LINGO2: variants seen among roughly 807,000 people sequenced by gnomAD.
LINGO2 encodes the protein leucine-rich repeat and immunoglobulin-like domain-containing nogo receptor-interacting protein 2.
A neutral mutation model predicts 30.6 loss-of-function variants in LINGO2; 14 were observed. The ratio of observed to expected loss-of-function variants is 0.46; its 90% CI spans 0.30 to 0.72. The LOEUF (loss-of-function observed/expected upper bound fraction) is 0.72, where lower values mean the gene tolerates loss of function less well. LINGO2 is among the 30% of genes least tolerant of loss of function. LINGO2 has a pLI of 0.07. For synonymous variants in LINGO2, 317 were observed against 288.5 expected (o/e 1.10, Z -1.00); for missense variants, 729 against 751.7 (o/e 0.97, Z 0.35).
At chr9:29,104,442 G>A in the LINGO2 span, among the ~76,000 whole-genome samples, 1 of 152,098 alleles carries the variant, frequency 6.6e-6, no homozygotes, top group Non-Finnish European at 1.5e-5. Context: ...ACAACTGTAA[G>A]TTTCCTGAGG....
chr9:28,676,958 A>G, the LINGO2 span, among the ~76,000 whole-genome samples: 1 of 152,152 alleles, frequency 6.6e-6, no homozygotes, highest in African/African-American at 2.4e-5. Flanking sequence ...TAAATTACAC[A>G]CAAACAAACA....
intron 4 of LINGO2, among the ~76,000 whole-genome samples, chr9:28,071,634 G>A (rs1825480401): frequency 6.6e-6 from 1 of 150,986 alleles, no homozygotes; most frequent in Non-Finnish European, 1.5e-5. Context: ...ACACTAGAAG[G>A]TGGGTATTGA....
intron 5 of LINGO2, among the ~76,000 whole-genome samples, chr9:27,951,753 G>C (rs1262905296): frequency 6.6e-6 from 1 of 152,058 alleles, no homozygotes; most frequent in Admixed American, 6.6e-5. Context: ...TCAGTAGTTT[G>C]AAACAATACT....
chr9:28,952,654 GACC>G, the LINGO2 span, among the ~76,000 whole-genome samples: 2 of 152,044 alleles, frequency 1.3e-5, no homozygotes, highest in Non-Finnish European at 2.9e-5. Context: ...GCCTTTTCGA[GACC>G]TATGGCCCCC....
intron 4 of LINGO2, among the ~76,000 whole-genome samples, chr9:28,210,547 G>A (rs1015781752): frequency 1.3e-5 from 2 of 151,596 alleles, no homozygotes; most frequent in Admixed American, 6.6e-5. Context: ...TTAACAGCAA[G>A]TTTTGTAGTT....
At chr9:28,239,862 T>C (rs1384891692) in intron 4 of LINGO2, among the ~76,000 whole-genome samples, 1 of 152,134 alleles carries the variant, frequency 6.6e-6, no homozygotes, top group East Asian at 1.9e-4. Context: ...TTGCAGATGA[T>C]ATGATCTTAT....
intron 1 of LINGO2, among the ~76,000 whole-genome samples, chr9:28,495,207 G>C (rs1003831224): frequency 2.6e-5 from 4 of 152,032 alleles, no homozygotes; most frequent in Non-Finnish European, 5.9e-5. Flanking sequence ...CTGTGCAGAA[G>C]CTCTTTAGTT....
chr9:29,065,553 G>T, the LINGO2 span, among the ~76,000 whole-genome samples: 1 of 151,884 alleles, frequency 6.6e-6, no homozygotes, highest in African/African-American at 2.4e-5. Context: ...TGTTATTGTC[G>T]ATTTTGTCAA....
At chr9:28,607,308 T>C (rs560580357) in intron 1 of LINGO2, among the ~76,000 whole-genome samples, 5 of 152,166 alleles carry the variant, frequency 3.3e-5, no homozygotes, top group South Asian at 2.1e-4. Context: ...AATTGTACAA[T>C]GTGGAGGTTT....
At chr9:28,004,700 A>G (rs1254464758) in intron 5 of LINGO2, among the ~76,000 whole-genome samples, 2 of 152,190 alleles carry the variant, frequency 1.3e-5, no homozygotes, top group Admixed American at 1.3e-4. Flanking sequence ...GAACAAATTA[A>G]TGGAGTTCAA....
At chr9:28,832,128 A>C in the LINGO2 span, among the ~76,000 whole-genome samples, 1 of 152,162 alleles carries the variant, frequency 6.6e-6, no homozygotes, top group African/African-American at 2.4e-5. Flanking sequence ...GTGAATTTAA[A>C]TTTGATTTTT....
chr9:29,089,217 CAT>C, the LINGO2 span, among the ~76,000 whole-genome samples: 6 of 151,322 alleles, frequency 4.0e-5, no homozygotes, highest in East Asian at 3.9e-4. Flanking sequence ...ATATCATCAA[CAT>C]AATATTATTT....
At chr9:29,150,857 C>T in the LINGO2 span, among the ~76,000 whole-genome samples, 12 of 152,180 alleles carry the variant, frequency 7.9e-5, no homozygotes, top group African/African-American at 2.9e-4. Context: ...AAAATTTTTC[C>T]ACTCTCCCTA....
the LINGO2 span, among the ~76,000 whole-genome samples, chr9:29,027,432 G>GGTTCAA: frequency 1.3e-5 from 2 of 152,142 alleles, no homozygotes. Flanking sequence ...CCATCTTTCA[G>GGTTCAA]GTTCAAGTGA....
intron 1 of LINGO2, among the ~76,000 whole-genome samples, chr9:28,507,859 G>A (rs1820216921): frequency 6.6e-6 from 1 of 151,840 alleles, no homozygotes. Flanking sequence ...AGCATAAGTA[G>A]GTTTTGATTT....
rs182712331 is a variant in LINGO2 at position 28,534,789 on chromosome 9, A to C, written c.-364-58764T>G. Reference sequence around the variant, plus strand: ...TCAGAAAAATATCTGTTTACACTTGAATCTCAGCTGTAGTGCATCATCCAT... The same window carrying C: ...TCAGAAAAATATCTGTTTACACTTGCATCTCAGCTGTAGTGCATCATCCAT... On this transcript the variant is annotated intron_variant, in intron 1 of 5. Transcript: ENST00000379992. Among the ~76,000 whole-genome samples, 60 of 152,274 alleles carry C rather than the reference A, an allele frequency of 3.9e-4. No homozygotes were observed. The East Asian group carries it at 8.9e-3, about 23-fold the overall frequency.
intron 4 of LINGO2, among the ~76,000 whole-genome samples, chr9:28,071,820 T>C (rs1376469748): frequency 6.6e-6 from 1 of 152,102 alleles, no homozygotes; most frequent in Admixed American, 6.6e-5. Flanking sequence ...ATATAAAATA[T>C]TGATATAAAA....
At chr9:28,482,214 G>A (rs1825999473) in intron 1 of LINGO2, among the ~76,000 whole-genome samples, 1 of 151,786 alleles carries the variant, frequency 6.6e-6, no homozygotes, top group African/African-American at 2.4e-5. Flanking sequence ...CTTCCACAAT[G>A]GTTGAACTAG....
At chr9:28,592,279 C>A (rs1416234234) in intron 1 of LINGO2, among the ~76,000 whole-genome samples, 3 of 152,038 alleles carry the variant, frequency 2.0e-5, no homozygotes, top group African/African-American at 7.2e-5. Context: ...GGTTGGAGAA[C>A]CTCCTCAGAT....
Sources: allele counts gnomAD v4.1 joint callset (sites outside exome capture counted in the v4.1 genomes callset), GRCh38; gene constraint gnomAD v4.1.1; transcripts MANE v1.5; gene names NCBI Gene and HGNC (gene_info 2026-07-23, HGNC 2026-07-21).